BCL11A: variants seen among roughly 807,000 people sequenced by gnomAD.
BCL11A encodes BCL11 transcription factor A, also known as B cell CLL/lymphoma 11A.
Under a neutral mutation model 55.9 loss-of-function variants are expected in BCL11A, and 2 were observed. The ratio of observed to expected loss-of-function variants is 0.04; its 90% CI spans 0.01 to 0.11. The LOEUF (loss-of-function observed/expected upper bound fraction) is 0.11, where lower values mean the gene tolerates loss of function less well. Ranked by LOEUF, BCL11A falls within the 10% of genes least tolerant of loss-of-function variation. The pLI is 1.00. For missense variants in BCL11A, 817 were observed against 1,137.1 expected (o/e 0.72, Z 4.05); for synonymous variants, 465 against 473.4 (o/e 0.98, Z 0.23).
chr2:60,452,044 G>C (rs988106828), exon 5 of BCL11A: 7 of 226,348 alleles, frequency 3.1e-5, no homozygotes, highest in Non-Finnish European at 1.8e-5. Flanking sequence ...TCTCAAATCT[G>C]TTCCTCCTAC....
intron 2 of BCL11A, chr2:60,484,393 T>A (rs1161474649): frequency 4.6e-5 from 7 of 152,382 alleles, no homozygotes; most frequent in Middle Eastern, 3.0e-3. Flanking sequence ...CCAACCTCTG[T>A]TTCCAGCATC....
intron 1 of BCL11A, among the ~76,000 whole-genome samples, chr2:60,551,919 G>T (rs936570193): frequency 3.3e-5 from 5 of 152,006 alleles, no homozygotes; most frequent in Admixed American, 2.6e-4. Flanking sequence ...TTGGCAGGAG[G>T]CTCCCGCACA....
intron 2 of BCL11A, among the ~76,000 whole-genome samples, chr2:60,510,450 A>G (rs45564931): frequency 0.078 from 11,847 of 152,176 alleles, 629 homozygotes; most frequent in Middle Eastern, 0.12. Context: ...TTTGCTTCTC[A>G]TTGGGCCTTC....
At chr2:60,518,283 C>T (rs1668823829) in intron 2 of BCL11A, among the ~76,000 whole-genome samples, 1 of 152,166 alleles carries the variant, frequency 6.6e-6, no homozygotes, top group Non-Finnish European at 1.5e-5. Context: ...TCTCATAATA[C>T]ATAAAACATC....
At chr2:60,536,672 G>C (rs557766614) in intron 2 of BCL11A, 3 of 152,282 alleles carry the variant, frequency 2.0e-5, no homozygotes, top group African/African-American at 7.2e-5. Context: ...CCCTATTAGA[G>C]CGTTTGCCTG....
chr2:60,533,916 G>A (rs999832952), intron 2 of BCL11A: 4 of 152,130 alleles, frequency 2.6e-5, no homozygotes, highest in Non-Finnish European at 4.4e-5. Flanking sequence ...TAGGTCCCTC[G>A]GAGGTTAAAA....
chr2:60,477,176 CA>C (rs1180221858), intron 2 of BCL11A, among the ~76,000 whole-genome samples: 2 of 152,158 alleles, frequency 1.3e-5, no homozygotes, highest in Non-Finnish European at 2.9e-5. Context: ...GTGAAATACG[CA>C]TTTTCAACTG....
In BCL11A at chr2:60,479,311, C is replaced by A. The variant is rs547528109; in HGVS notation, c.386-10478G>T. On this transcript the variant is annotated intron_variant, in intron 2 of 3. Coordinates refer to ENST00000642384, the MANE Select transcript of BCL11A (RefSeq NM_022893.4). ...CTGGCCTCTGCGGGCACAGCGGCCACACACCACGGTGGGACCCGGAGACCA... is the reference window on the plus strand; with the variant it reads ...CTGGCCTCTGCGGGCACAGCGGCCAAACACCACGGTGGGACCCGGAGACCA... Among the ~76,000 whole-genome samples the A allele has an allele frequency of 1.3e-3, 191 of 152,376 alleles. 1 individual carries two copies. The highest frequency in any genetic ancestry group is 4.5e-3 in the African/African-American group (188 of 41,588).
chr2:60,518,770 G>A (rs981118547), intron 2 of BCL11A, among the ~76,000 whole-genome samples: 12 of 152,138 alleles, frequency 7.9e-5, no homozygotes, highest in Non-Finnish European at 1.6e-4. Context: ...CTGGGGGCCG[G>A]GCGTGGATTT....
At position 60,459,542 on chromosome 2, in the gene BCL11A, T is replaced by C. The variant is rs1200371384; in HGVS notation, c.*862A>G. ...GGACATAATGGGTCATCTTTTTAGG[T>C]AGCCATTGTTGTGAGAAATACAATA... is the stretch of plus-strand genomic sequence containing the variant. On this transcript the variant is annotated 3_prime_UTR_variant, in exon 4 of 4. Transcript: ENST00000642384. 11 of 1,024,370 alleles carry C rather than the reference T, an allele frequency of 1.1e-5. No homozygotes were observed. The highest frequency in any genetic ancestry group is 1.3e-5 in the Non-Finnish European group (11 of 852,860). The allele number at this position is 1,024,370 out of a possible 1,614,324, so 63.5% of individuals were successfully genotyped here.
At chr2:60,519,011 G>C (rs972366208) in intron 2 of BCL11A, among the ~76,000 whole-genome samples, 3 of 152,160 alleles carry the variant, frequency 2.0e-5, no homozygotes, top group Admixed American at 6.5e-5. Flanking sequence ...TTTAAAGAGC[G>C]ATGGCACACA....
intron 2 of BCL11A, among the ~76,000 whole-genome samples, chr2:60,486,024 C>G (rs772098189): frequency 3.9e-5 from 6 of 151,944 alleles, no homozygotes; most frequent in African/African-American, 1.4e-4. Context: ...CAAAAAAAAT[C>G]TTTTTAGTAT....
rs1491129673 is a variant in BCL11A at position 60,505,154 on chromosome 2, AAT to A, written c.386-36323_386-36322del. The stretch of plus-strand genomic sequence containing the variant: ...CCTCAAAGGGCTTACTCAAAAAAAA[AAT>A]GTGATTTTATCCGTATCCTCATTAC... On this transcript the variant is annotated intron_variant, in intron 2 of 3. Transcript: ENST00000642384. 5.3e-5 allele frequency among the ~76,000 whole-genome samples: 8 copies of A among 152,288 alleles called. No individual in the cohort carries two copies. In the South Asian group the frequency reaches 1.0e-3, roughly 20 times the overall value.
At chr2:60,470,325 GT>G (rs1200747178) in intron 2 of BCL11A, among the ~76,000 whole-genome samples, 1 of 152,178 alleles carries the variant, frequency 6.6e-6, no homozygotes, top group Non-Finnish European at 1.5e-5. Flanking sequence ...ACATTTGACT[GT>G]TTACGTCAAG....
intron 2 of BCL11A, among the ~76,000 whole-genome samples, chr2:60,498,725 C>T (rs1679098898): frequency 6.6e-6 from 1 of 152,140 alleles, no homozygotes; most frequent in South Asian, 2.1e-4. Context: ...AGGGGAGAAA[C>T]CAGTGAGGTC....
chr2:60,477,820 G>A (rs1231059284), intron 2 of BCL11A, among the ~76,000 whole-genome samples: 1 of 152,176 alleles, frequency 6.6e-6, no homozygotes, highest in African/African-American at 2.4e-5. Flanking sequence ...TCTGTGCACG[G>A]AGAAGGGGCC....
chr2:60,541,990 A>C (rs1669945408), intron 2 of BCL11A: 3 of 677,128 alleles, frequency 4.4e-6, no homozygotes, highest in African/African-American at 3.7e-5. Context: ...TCTGAAAAGC[A>C]TATTGTATTT....
In BCL11A at chr2:60,546,449, A is replaced by G; in HGVS notation, c.56-149T>C. 1 of 698,172 alleles carries G rather than the reference A, an allele frequency of 1.4e-6. No individual in the cohort carries two copies. Among genetic ancestry groups the G allele is most frequent in the Non-Finnish European group, 2.4e-6 (1 of 422,620 alleles). The allele number at this position is 698,172 out of a possible 1,614,324, so 43.2% of individuals were successfully genotyped here. ...AATACCCAGAAAATGTGAGCATACA[A>G]AAAGTACAAGGATGTGAAGGTTATC... On this transcript the variant is annotated intron_variant, in intron 1 of 3. Transcript: ENST00000642384. The surrounding 1 kb of genome is among the most constrained non-coding windows in gnomAD (Gnocchi z 4.1).
At chr2:60,450,917 G>A (rs1224524658), downstream of BCL11A, 2 of 156,890 alleles carry the variant, frequency 1.3e-5, no homozygotes, top group African/African-American at 2.4e-5. Flanking sequence ...TATGACTTAT[G>A]TGCTAACACA....
Sources: gnomAD v4.1 joint callset for allele counts (sites outside exome capture counted in the v4.1 genomes callset) on GRCh38, gnomAD v4.1.1 for gene constraint, Gnocchi (gnomAD v3.1) non-coding constraint, MANE v1.5 for transcripts, NCBI Gene and HGNC (gene_info 2026-07-23, HGNC 2026-07-21) for gene names.